The following PCNX3 variants were observed in gnomAD, a reference collection of about 807,000 sequenced individuals.
The protein encoded by PCNX3 is pecanex 3, also known as pecanex-like protein 3.
Under a neutral mutation model 207.2 loss-of-function variants are expected in PCNX3, and 58 were observed. That is an observed-to-expected ratio of 0.28 (90% CI 0.23 to 0.35). The LOEUF is 0.35. PCNX3 is among the 10% of genes least tolerant of loss of function. The probability of loss-of-function intolerance (pLI) is 1.00; values close to 1 mark genes in which losing one functional copy is unlikely to be tolerated. For missense variants in PCNX3, 2,410 were observed against 2,774.4 expected (o/e 0.87, Z 2.95); for synonymous variants, 1,337 against 1,183.5 (o/e 1.13, Z -2.66).
At chr11:65,627,276 G>C in intron 21 of PCNX3, 129 bp from the exon 22 acceptor site, 1 of 1,199,614 alleles carries the variant, frequency 8.3e-7, no homozygotes, top group Non-Finnish European at 1.1e-6. Flanking sequence ...GGGCCCAAAA[G>C]AGCAGGGACC....
intron 10 of PCNX3, 150 bp downstream of exon 10, chr11:65,621,116 C>T: frequency 1.8e-6 from 2 of 1,083,024 alleles, no homozygotes; most frequent in East Asian, 2.7e-5. Flanking sequence ...TGTGTCTGTC[C>T]TGATCTTTGA....
chr11:65,618,817 A>T lies in PCNX3; in HGVS notation c.1455A>T (p.Pro485=). 1 of 1,611,684 alleles carries T rather than the reference A, an allele frequency of 6.2e-7. No homozygotes were observed. The highest frequency in any genetic ancestry group is 8.5e-7 in the Non-Finnish European group (1 of 1,179,420). ...EEGTAVPPKR[P]YGTQRTPSTA... is the part of the protein sequence containing the mutation. ...GAACTGCTGTGCCCCCCAAGCGGCC[A>T]TATGGGACCCAGCGGACGCCTAGTA... The change falls in exon 6 of 35, where the codon CCA becomes CCT. Residue 485 remains proline (P), a synonymous_variant. Transcript: ENST00000355703.
chr11:65,619,632 C>G lies in PCNX3; in HGVS notation c.1801C>G (p.Pro601Ala), dbSNP rs376933642. ...RHNAGSNPTP[P>A]ASVMGSPPSS... ...CAATGCAGGCAGCAACCCCACCCCTCCAGCCTCTGTCATGGGCTCGCCGCC... is the reference window on the plus strand; with the variant it reads ...CAATGCAGGCAGCAACCCCACCCCTGCAGCCTCTGTCATGGGCTCGCCGCC... Residue 601 changes from proline (P) to alanine (A), a missense_variant, in exon 7 of 35, where the codon CCA (proline) becomes GCA (alanine). By Grantham distance (27) the Pro-to-Ala change is conservative. Around this residue, in one of 8 missense-constraint regions of PCNX3, gnomAD observed 1,104 missense variants for 970.3 expected, o/e 1.14. Coordinates refer to ENST00000355703, the MANE Select transcript of PCNX3 (RefSeq NM_032223.4). 5 of 1,602,542 alleles carry G rather than the reference C, an allele frequency of 3.1e-6. No individual in the cohort carries two copies. In the South Asian group the frequency reaches 4.4e-5, roughly 14 times the overall value.
At chr11:65,617,175 A>G in intron 2 of PCNX3, 75 bp from the exon 3 acceptor site, 1 of 1,445,102 alleles carries the variant, frequency 6.9e-7, no homozygotes. Context: ...AAAAAGAAGC[A>G]GTGACAAAGA....
chr11:65,636,591 C>A lies in PCNX3; in HGVS notation c.5794C>A (p.Pro1932Thr). The A allele has an allele frequency of 6.3e-7, 1 of 1,592,130 alleles. No homozygotes were observed. Among genetic ancestry groups the A allele is most frequent in the Non-Finnish European group, 8.5e-7 (1 of 1,171,316 alleles). ...PGPGLLSSEGPSGKWSLGGRK... is the reference protein window; with the variant it reads ...PGPGLLSSEGTSGKWSLGGRK... ...CCCGGGTCTCCTCAGTTCTGAGGGC[C>A]CCAGTGGAAAGTGGAGCCTGGGGGG... is the stretch of plus-strand genomic sequence containing the variant. Residue 1932 changes from proline to threonine, a missense_variant, in exon 34 of 35, where the codon CCC becomes ACC. Physicochemically the swap from Pro to Thr is conservative, Grantham distance 38. Coordinates refer to ENST00000355703, the MANE Select transcript of PCNX3 (RefSeq NM_032223.4).
chr11:65,636,482 G>A lies in PCNX3; in HGVS notation c.5685G>A (p.Leu1895=). 6.4e-7 allele frequency: 1 copy of A among 1,572,030 alleles called. No homozygotes were observed. Among genetic ancestry groups the A allele is most frequent in the Non-Finnish European group, 8.6e-7 (1 of 1,160,408 alleles). The change falls in exon 34 of 35, where the codon CTG becomes CTA. Residue 1895 remains leucine, a synonymous_variant. Coordinates refer to ENST00000355703, the MANE Select transcript of PCNX3 (RefSeq NM_032223.4). ...GSGDGRPPPL[L]QWPPPRLPGP... Reference sequence around the variant, plus strand: ...GTGATGGGCGGCCCCCACCTCTGCTGCAGTGGCCTCCCCCTCGGCTCCCTG... The same window carrying A: ...GTGATGGGCGGCCCCCACCTCTGCTACAGTGGCCTCCCCCTCGGCTCCCTG...
intron 10 of PCNX3, 82 bp from the exon 11 acceptor site, chr11:65,622,163 T>TG (rs1160916464): frequency 4.2e-6 from 6 of 1,424,304 alleles, no homozygotes; most frequent in South Asian, 2.6e-5. Context: ...GTAGACCATG[T>TG]GGGGGGTGGC....
chr11:65,624,410 C>T, intron 14 of PCNX3, 44 bp downstream of exon 14: 14 of 1,551,460 alleles, frequency 9.0e-6, no homozygotes, highest in Non-Finnish European at 1.2e-5. Flanking sequence ...GAGTGAGTCC[C>T]CGAGGGTGGG....
intron 6 of PCNX3, 89 bp from the exon 7 acceptor site, chr11:65,619,448 G>C (rs1854952302): frequency 6.5e-7 from 1 of 1,536,016 alleles, no homozygotes; most frequent in Non-Finnish European, 8.8e-7. Context: ...TAGGCCTTTA[G>C]CTCCCTGGCG....
intron 6 of PCNX3, 112 bp from the exon 7 acceptor site, chr11:65,619,425 G>C: frequency 4.0e-6 from 6 of 1,483,114 alleles, no homozygotes; most frequent in Non-Finnish European, 5.4e-6. Context: ...TCAGAGCCGG[G>C]GCGTGGTTGT....
intron 5 of PCNX3, 97 bp from the exon 6 acceptor site, chr11:65,617,843 C>T: frequency 1.4e-6 from 2 of 1,464,828 alleles, no homozygotes; most frequent in South Asian, 2.6e-5. Context: ...TGTGGCTGGG[C>T]TCTCAGGGAA....
intron 1 of PCNX3, 105 bp downstream of exon 1, chr11:65,616,569 A>C (rs1036740201): frequency 5.2e-6 from 7 of 1,348,446 alleles, no homozygotes; most frequent in Admixed American, 2.5e-5. Context: ...GAGAGGAATC[A>C]CTGCAGAGTT....
At position 65,627,486 on chromosome 11, in the gene PCNX3, G is replaced by A. The variant is rs750203684; in HGVS notation, c.3606G>A (p.Thr1202=). The A allele has an allele frequency of 4.0e-5, 64 of 1,613,640 alleles. No homozygotes were observed. The highest frequency in any genetic ancestry group is 1.6e-4 in the Middle Eastern group (1 of 6,084). The stretch of plus-strand genomic sequence containing the variant: ...GCTGCCCCCCACAGCAGTACCTGAC[G>A]TTGGCCTTCACCGTCCTGCTCTTCC... ...AFCCPPQQYL[T]LAFTVLLFHF... Residue 1202 remains threonine (T), a synonymous_variant, in exon 22 of 35, where the codon ACG becomes ACA. Transcript: ENST00000355703.
Position 65,629,373 on chromosome 11 carries a change from C to A in PCNX3, c.3958C>A (p.His1320Asn). Residue 1320 changes from histidine to asparagine, a missense_variant, in exon 25 of 35, where the codon CAT becomes AAT. By Grantham distance (68) the His-to-Asn change is moderately conservative. This residue lies in a region of PCNX3 where 420 missense variants were observed against 705.3 expected (regional missense o/e 0.60). Coordinates refer to ENST00000355703, the MANE Select transcript of PCNX3 (RefSeq NM_032223.4). Reference sequence around the variant, plus strand: ...TCTGAACAGCACTAAACGTGTGGATCATTCCAACACCCGCCTGGTCACACA... The same window carrying A: ...TCTGAACAGCACTAAACGTGTGGATAATTCCAACACCCGCCTGGTCACACA... ...ERDYNTKRVD[H>N]SNTRLVTQLD... 6.2e-7 allele frequency: 1 copy of A among 1,611,440 alleles called. No homozygotes were observed. The highest frequency in any genetic ancestry group is 1.1e-5 in the South Asian group (1 of 90,452).
Position 65,617,362 on chromosome 11 carries a change from G to A in PCNX3, c.441+13G>A. The A allele has an allele frequency of 1.9e-6, 3 of 1,613,238 alleles. No homozygotes were observed. Among genetic ancestry groups the A allele is most frequent in the Non-Finnish European group, 2.5e-6 (3 of 1,179,608 alleles). Reference sequence around the variant, plus strand: ...CAACCAGGTCTCGGTGAGTGGGCCTGGACCTCAGCTTGTCCTCCTGTCCCT... The same window carrying A: ...CAACCAGGTCTCGGTGAGTGGGCCTAGACCTCAGCTTGTCCTCCTGTCCCT... On this transcript the variant is annotated intron_variant, in intron 3 of 34. Transcript: ENST00000355703.
Position 65,618,908 on chromosome 11 carries a change from C to G in PCNX3, c.1546C>G (p.Pro516Ala). 2 of 1,608,788 alleles carry G rather than the reference C, an allele frequency of 1.2e-6. No homozygotes were observed. The highest frequency in any genetic ancestry group is 1.7e-6 in the Non-Finnish European group (2 of 1,178,490). Residue 516 changes from proline to alanine, a missense_variant, in exon 6 of 35, where the codon CCC (proline) becomes GCC (alanine). Physicochemically the swap from Pro to Ala is conservative, Grantham distance 27 (BLOSUM62 -1). Transcript: ENST00000355703. The part of the protein sequence containing the change: ...MDGAGGDVLR[P>A]PLAGCKAELE... Reference sequence around the variant, plus strand: ...TGGGGCTGGGGGTGATGTTCTGAGGCCCCCACTGGCTGGCTGCAAGGCAGA... The same window carrying G: ...TGGGGCTGGGGGTGATGTTCTGAGGGCCCCACTGGCTGGCTGCAAGGCAGA...
intron 27 of PCNX3, among the ~76,000 whole-genome samples, chr11:65,633,102 C>T (rs1384450699): frequency 1.3e-5 from 2 of 152,226 alleles, no homozygotes; most frequent in South Asian, 2.1e-4. Context: ...ATTGTAGAGG[C>T]GAGCTATGGG....
Position 65,635,386 on chromosome 11 carries a change from G to A in PCNX3, c.5122G>A (p.Ala1708Thr), listed in dbSNP as rs369139852. The change falls in exon 31 of 35, where the codon GCC (alanine) becomes ACC (threonine). Residue 1708 changes from alanine (A) to threonine (T), a missense_variant. This residue lies in a region of PCNX3 where 420 missense variants were observed against 705.3 expected (regional missense o/e 0.60). Coordinates refer to ENST00000355703, the MANE Select transcript of PCNX3 (RefSeq NM_032223.4). The surrounding 1 kb of genome is among the most constrained non-coding windows in gnomAD (Gnocchi z 9.9). ...LLALRHVLDD[A>T]SDEYKIIMLN... ...GGCGCTGCGCCATGTCCTGGATGAT[G>A]CCTCCGACGAGTACAAGATCATCAT... The A allele has an allele frequency of 1.8e-5, 29 of 1,612,266 alleles. No homozygotes were observed. The highest frequency in any genetic ancestry group is 2.4e-5 in the Non-Finnish European group (28 of 1,179,734).
chr11:65,626,820 A>G, intron 20 of PCNX3, 84 bp from the exon 21 acceptor site: 1 of 1,542,674 alleles, frequency 6.5e-7, no homozygotes, highest in East Asian at 2.4e-5. Context: ...TCAGGACCGC[A>G]CAGCCTGCCC....
Sources: allele counts gnomAD v4.1 joint callset (sites outside exome capture counted in the v4.1 genomes callset), GRCh38; gene constraint gnomAD v4.1.1; regional missense constraint gnomAD v4.1.1; non-coding constraint Gnocchi (gnomAD v3.1); transcripts MANE v1.5; gene names NCBI Gene and HGNC (gene_info 2026-07-23, HGNC 2026-07-21).